CFAP52: variants seen among roughly 807,000 people sequenced by gnomAD.
The protein encoded by CFAP52 is cilia- and flagella-associated protein 52.
In CFAP52, 57 loss-of-function variants were observed where a neutral mutation model predicts 70.5. The ratio of observed to expected loss-of-function variants is 0.81; its 90% CI spans 0.65 to 1.01. The LOEUF (loss-of-function observed/expected upper bound fraction) is 1.01. CFAP52 is among the 50% of genes least tolerant of loss of function. The pLI is 0.00. For synonymous variants in CFAP52, 267 were observed against 292.5 expected, an observed-to-expected ratio of 0.91 and a Z score of 0.89; for missense variants, 785 against 788.5, an observed-to-expected ratio of 1.00 and a Z score of 0.05.
chr17:9,598,170 G>T, intron 4 of CFAP52, 64 bp from the exon 5 acceptor site: 1 of 1,283,404 alleles, frequency 7.8e-7, no homozygotes. Context: ...CAGTTTCAGG[G>T]ATGAAGTGAT....
chr17:9,633,598 T>C (rs1020238502), intron 10 of CFAP52, among the ~76,000 whole-genome samples: 5 of 152,126 alleles, frequency 3.3e-5, no homozygotes, highest in Admixed American at 1.3e-4. Context: ...AAGGAATTCA[T>C]GCGGGTGTTT....
intron 8 of CFAP52, 58 bp downstream of exon 8, chr17:9,612,537 AATTTT>A (rs1257008084): frequency 7.9e-6 from 12 of 1,520,722 alleles, no homozygotes; most frequent in African/African-American, 1.4e-5. Flanking sequence ...CAGGGCATTT[AATTTT>A]ATGAATGCAT....
At position 9,576,758 on chromosome 17, in the gene CFAP52, C is replaced by T. The variant is rs1195668156; in HGVS notation, c.63C>T (p.Gly21=). 2 of 1,612,026 alleles carry T rather than the reference C, an allele frequency of 1.2e-6. No homozygotes were observed. Among genetic ancestry groups the T allele is most frequent in the Admixed American group, 1.7e-5 (1 of 59,722 alleles). Residue 21 remains glycine, a synonymous_variant, in exon 1 of 14, where the codon GGC becomes GGT. Transcript: ENST00000352665. ...VAELELDAVI[G]FNGHVPTGLK... ...AGCTGGAACTTGACGCCGTGATCGG[C>T]TTCAATGGTGAGGCCTCCAGCATCT...
intron 3 of CFAP52, among the ~76,000 whole-genome samples, chr17:9,593,815 A>AT (rs1472542540): frequency 6.6e-6 from 1 of 151,728 alleles, no homozygotes; most frequent in Non-Finnish European, 1.5e-5. Flanking sequence ...AAATACAAGA[A>AT]TTACCCGGAC....
intron 7 of CFAP52, among the ~76,000 whole-genome samples, chr17:9,609,987 T>C (rs1238395738): frequency 6.6e-6 from 1 of 151,738 alleles, no homozygotes; most frequent in Non-Finnish European, 1.5e-5. Context: ...GAATCTGATT[T>C]CTGGAGAGAG....
At chr17:9,627,384 G>T (rs1910278293) in intron 8 of CFAP52, among the ~76,000 whole-genome samples, 1 of 152,108 alleles carries the variant, frequency 6.6e-6, no homozygotes, top group African/African-American at 2.4e-5. Context: ...GGTGGCACAT[G>T]CCTGTAATCC....
intron 6 of CFAP52, among the ~76,000 whole-genome samples, chr17:9,600,492 C>G (rs1567625612): frequency 6.6e-6 from 1 of 152,162 alleles, no homozygotes; most frequent in Non-Finnish European, 1.5e-5. Context: ...ATCTGCCCAC[C>G]TTGGCCTCTC....
rs111872249 is a variant in CFAP52, at chr17:9,594,996, T to A, written c.536+675T>A. Among the ~76,000 whole-genome samples the A allele has an allele frequency of 7.3e-4, 108 of 147,716 alleles. 1 individual carries two copies. Among genetic ancestry groups the A allele is most frequent in the African/African-American group, 2.3e-3 (91 of 40,276 alleles). On this transcript the variant is annotated intron_variant, in intron 4 of 13. Transcript: ENST00000352665. Reference sequence around the variant, plus strand: ...ACCTCCACCTCCCGGGTTCAAGCAATTCTCCTGCCTCAGCCTCCCAAGTAC... The same window carrying A: ...ACCTCCACCTCCCGGGTTCAAGCAAATCTCCTGCCTCAGCCTCCCAAGTAC...
At chr17:9,636,255 A>AAGAAAGAAAG (rs1910800635) in intron 11 of CFAP52, among the ~76,000 whole-genome samples, 2 of 144,172 alleles carry the variant, frequency 1.4e-5, no homozygotes, top group Admixed American at 1.4e-4. Flanking sequence ...AAGAAAGAGA[A>AAGAAAGAAAG]AGAAAAATAA....
At chr17:9,630,765 C>T (rs1286740306) in intron 9 of CFAP52, among the ~76,000 whole-genome samples, 2 of 150,476 alleles carry the variant, frequency 1.3e-5, no homozygotes, top group African/African-American at 2.4e-5. Context: ...GATGGGGTTT[C>T]GCCTGAGGTC....
chr17:9,585,688 C>A lies in CFAP52; in HGVS notation c.71-85C>A, dbSNP rs563310105. ...ACTCTGTCACACACACACACACACACAAAGTGTTGTGTTTTGTACTCAAGT... is the reference window on the plus strand; with the variant it reads ...ACTCTGTCACACACACACACACACAAAAAGTGTTGTGTTTTGTACTCAAGT... On this transcript the variant is annotated intron_variant, in intron 1 of 13. Coordinates refer to ENST00000352665, the MANE Select transcript of CFAP52 (RefSeq NM_145054.5). 2.4e-4 allele frequency: 316 copies of A among 1,333,082 alleles called. No homozygotes were observed. The African/African-American group carries it at 3.8e-3, about 16-fold the overall frequency. The allele number at this position is 1,333,082 out of a possible 1,614,324, so 82.6% of individuals were successfully genotyped here. A position where few individuals can be genotyped will look rare whatever the true frequency, so the allele number is the denominator to read the frequency against.
At chr17:9,632,307 T>C (rs80058914) in intron 9 of CFAP52, among the ~76,000 whole-genome samples, 2,378 of 151,882 alleles carry the variant, frequency 0.016, 80 homozygotes, top group African/African-American at 0.054. Flanking sequence ...GTTTCCAGGC[T>C]GGTCTTGTGC....
At chr17:9,583,580 CAT>C (rs1908317771) in intron 1 of CFAP52, among the ~76,000 whole-genome samples, 2 of 151,938 alleles carry the variant, frequency 1.3e-5, no homozygotes, top group South Asian at 2.1e-4. Flanking sequence ...TATGAAGAAA[CAT>C]ATCCTGTTTT....
downstream of CFAP52, chr17:9,645,474 C>CG (rs1390683321): frequency 1.6e-6 from 1 of 632,126 alleles, no homozygotes; most frequent in Non-Finnish European, 2.1e-6. The surrounding 1 kb of genome is among the most constrained non-coding windows in gnomAD (Gnocchi z 6.8). Flanking sequence ...CCGCGCGGGG[C>CG]GGGGCTGCCC....
chr17:9,629,382 C>T (rs936029350), intron 9 of CFAP52, among the ~76,000 whole-genome samples: 1 of 152,114 alleles, frequency 6.6e-6, no homozygotes, highest in Admixed American at 6.6e-5. Flanking sequence ...ACACATACTG[C>T]TTCACATCAA....
chr17:9,599,261 T>C (rs546542443), intron 5 of CFAP52, among the ~76,000 whole-genome samples: 110 of 152,350 alleles, frequency 7.2e-4, no homozygotes, highest in Non-Finnish European at 9.0e-4. Flanking sequence ...CAATTTCCGA[T>C]TTTGGAGCAT....
chr17:9,645,008 G>A (rs1253691792), downstream of CFAP52: 2 of 152,240 alleles, frequency 1.3e-5, no homozygotes, highest in African/African-American at 2.4e-5. This position sits in a 1 kb window ranked among gnomAD's most constrained non-coding sequence, Gnocchi z 6.8. Context: ...TTCAGGTCCC[G>A]GGTTGGCGGG....
intron 3 of CFAP52, among the ~76,000 whole-genome samples, chr17:9,588,507 T>C (rs1035350545): frequency 6.6e-6 from 1 of 152,206 alleles, no homozygotes; most frequent in Admixed American, 6.5e-5. Context: ...TGAGAGCTGC[T>C]GCTGAATAAA....
intron 6 of CFAP52, among the ~76,000 whole-genome samples, chr17:9,601,625 G>A (rs4791353): frequency 0.25 from 37,394 of 152,012 alleles, 4,854 homozygotes; most frequent in East Asian, 0.45. Flanking sequence ...TAAGTCGTGA[G>A]CAAGACCTAG....
Sources: allele counts gnomAD v4.1 joint callset (sites outside exome capture counted in the v4.1 genomes callset), GRCh38; gene constraint gnomAD v4.1.1; non-coding constraint Gnocchi (gnomAD v3.1); transcripts MANE v1.5; gene names NCBI Gene and HGNC (gene_info 2026-07-23, HGNC 2026-07-21).